The following TYW1B variants were observed in gnomAD, a reference collection of about 807,000 sequenced individuals.
The protein encoded by TYW1B is S-adenosyl-L-methionine-dependent tRNA 4-demethylwyosine synthase TYW1B.
TYW1B carries 73 observed loss-of-function variants against 86.9 expected under a neutral mutation model. That is an observed-to-expected ratio of 0.84 (90% CI 0.70 to 1.02). The LOEUF (loss-of-function observed/expected upper bound fraction) is 1.02. Among genes scored for constraint, TYW1B ranks in the 50% least tolerant of loss-of-function variants. The probability of loss-of-function intolerance (pLI) is 0.00; values close to 1 mark genes in which losing one functional copy is unlikely to be tolerated. For missense variants in TYW1B, 637 were observed against 827.4 expected (o/e 0.77, Z 2.82); for synonymous variants, 248 against 292.8 (o/e 0.85, Z 1.56).
chr7:72,593,820 TAAAAAAAAAAAAAAAAA>T (rs59821679), intron 13 of TYW1B, among the ~76,000 whole-genome samples: 2 of 43,696 alleles, frequency 4.6e-5, no homozygotes, highest in East Asian at 7.7e-4. Flanking sequence ...AGACTCCATC[TAAAAAAAAAAAAAAAAA>T]AAAAAAAAAA....
intron 11 of TYW1B, among the ~76,000 whole-genome samples, chr7:72,658,866 G>A (rs542080962): frequency 2.6e-5 from 4 of 152,126 alleles, no homozygotes; most frequent in Admixed American, 6.5e-5. Context: ...GATTATAGAC[G>A]TGCACCACAA....
chr7:72,827,133 C>A, intron 1 of TYW1B, 148 bp from the exon 2 acceptor site: 2 of 1,127,378 alleles, frequency 1.8e-6, no homozygotes, highest in Non-Finnish European at 2.4e-6. Flanking sequence ...GTTGGCCGGG[C>A]ACAGTGGCTC....
chr7:72,606,615 C>CCCA (rs1554434910), intron 13 of TYW1B, among the ~76,000 whole-genome samples: 7 of 149,082 alleles, frequency 4.7e-5, no homozygotes, highest in Non-Finnish European at 9.0e-5. Flanking sequence ...AGGCCCCCCC[C>CCCA]CCGCCTCCAT....
rs1221743675 is a variant in TYW1B at position 72,662,428 on chromosome 7, T to C, written c.1506+32259A>G. On this transcript the variant is annotated intron_variant, in intron 11 of 13. Transcript: ENST00000620995. ...CCTTCAGGTTTTTAATATATATATA[T>C]AGATAGATAGATAGATAGATAGATA... Among the ~76,000 whole-genome samples the C allele has an allele frequency of 1.4e-3, 147 of 102,724 alleles. 3 individuals are homozygous for C. Among genetic ancestry groups the C allele is most frequent in the Middle Eastern group, 5.3e-3 (1 of 188 alleles). 67.4% of individuals were successfully genotyped at this position (102,724 alleles called of 152,430 possible).
intron 13 of TYW1B, among the ~76,000 whole-genome samples, chr7:72,576,394 T>TG (rs1445136977): frequency 1.3e-5 from 2 of 152,180 alleles, no homozygotes; most frequent in African/African-American, 4.8e-5. Flanking sequence ...AAATACTAAT[T>TG]GAACTGTGAA....
intron 6 of TYW1B, among the ~76,000 whole-genome samples, chr7:72,796,269 A>G (rs1585989999): frequency 5.1e-5 from 3 of 58,462 alleles, no homozygotes; most frequent in African/African-American, 5.1e-5. Flanking sequence ...TTTGAGATGG[A>G]GTCTCGCTCT....
chr7:72,609,735 T>C (rs1287997591), intron 13 of TYW1B, among the ~76,000 whole-genome samples: 1 of 151,972 alleles, frequency 6.6e-6, no homozygotes, highest in Non-Finnish European at 1.5e-5. Flanking sequence ...TAAGAAATGG[T>C]ACCATATTTT....
intron 13 of TYW1B, among the ~76,000 whole-genome samples, chr7:72,605,604 G>A (rs1488991889): frequency 3.9e-5 from 6 of 152,106 alleles, no homozygotes; most frequent in Middle Eastern, 3.4e-3. Flanking sequence ...CGCCCACTTC[G>A]GCCTCCCAAA....
At chr7:72,824,659 C>T (rs1788896426) in intron 2 of TYW1B, among the ~76,000 whole-genome samples, 1 of 151,954 alleles carries the variant, frequency 6.6e-6, no homozygotes, top group South Asian at 2.1e-4. Flanking sequence ...GAGAATTGCT[C>T]GAACCCAGGA....
At position 72,715,029 on chromosome 7, in the gene TYW1B, T is replaced by C. The variant is rs571122666; in HGVS notation, c.1193-1231A>G. Reference sequence around the variant, plus strand: ...GTTAAAGCTTCTCAGATGGTTGTTATGTATAGCCAAGGCTAAAAGCCACTG... The same window carrying C: ...GTTAAAGCTTCTCAGATGGTTGTTACGTATAGCCAAGGCTAAAAGCCACTG... On this transcript the variant is annotated intron_variant, in intron 9 of 13. Transcript: ENST00000620995. Among the ~76,000 whole-genome samples, 672 of 151,640 alleles carry C rather than the reference T, an allele frequency of 4.4e-3. 10 individuals are homozygous for C. Among genetic ancestry groups the C allele is most frequent in the African/African-American group, 0.014 (570 of 40,964 alleles).
chr7:72,762,627 T>C (rs1384396041), intron 7 of TYW1B, among the ~76,000 whole-genome samples: 1 of 152,152 alleles, frequency 6.6e-6, no homozygotes, highest in Admixed American at 6.6e-5. Flanking sequence ...CTAAGAGTCA[T>C]GTATTCCTCT....
intron 5 of TYW1B, among the ~76,000 whole-genome samples, chr7:72,804,320 A>G (rs1253300110): frequency 6.6e-6 from 1 of 151,920 alleles, no homozygotes; most frequent in African/African-American, 2.4e-5. Flanking sequence ...AAATTAAAAC[A>G]AACAAAGTGT....
chr7:72,640,617 T>C (rs1199972425), intron 11 of TYW1B, among the ~76,000 whole-genome samples: 4 of 151,958 alleles, frequency 2.6e-5, no homozygotes, highest in African/African-American at 9.7e-5. Flanking sequence ...ACCAAAAATA[T>C]GTAACAATTC....
At chr7:72,636,923 TC>T (rs1162741111) in intron 11 of TYW1B, among the ~76,000 whole-genome samples, 2 of 152,288 alleles carry the variant, frequency 1.3e-5, no homozygotes, top group East Asian at 3.9e-4. Flanking sequence ...ATGCCTGTAA[TC>T]CCAGCACTTT....
intron 11 of TYW1B, among the ~76,000 whole-genome samples, chr7:72,686,997 A>C (rs1429650208): frequency 6.6e-6 from 1 of 152,226 alleles, no homozygotes; most frequent in East Asian, 1.9e-4. Context: ...GGAAAACATA[A>C]GAAACTATCT....
chr7:72,627,448 A>G (rs2129568661), intron 12 of TYW1B, among the ~76,000 whole-genome samples: 1 of 150,212 alleles, frequency 6.7e-6, no homozygotes, highest in East Asian at 1.9e-4. Context: ...ACTTCATCTC[A>G]AAAAACAGTA....
intron 8 of TYW1B, among the ~76,000 whole-genome samples, chr7:72,735,511 G>A (rs1787181328): frequency 6.6e-6 from 1 of 150,422 alleles, no homozygotes. Context: ...GGTGGAGGTT[G>A]CAGTGGGCCA....
chr7:72,711,022 C>T (rs1433001307), intron 10 of TYW1B, among the ~76,000 whole-genome samples: 1 of 152,070 alleles, frequency 6.6e-6, no homozygotes, highest in African/African-American at 2.4e-5. Context: ...AAATCACTTC[C>T]AACTACAAGC....
chr7:72,636,636 T>C (rs1222178150), intron 11 of TYW1B, among the ~76,000 whole-genome samples: 8 of 152,214 alleles, frequency 5.3e-5, no homozygotes, highest in Non-Finnish European at 5.9e-5. Flanking sequence ...TAAATAAATA[T>C]TGATTTCTGT....
Sources: allele counts gnomAD v4.1 joint callset (sites outside exome capture counted in the v4.1 genomes callset), GRCh38; gene constraint gnomAD v4.1.1; transcripts MANE v1.5; gene names NCBI Gene and HGNC (gene_info 2026-07-23, HGNC 2026-07-21).